Variants in POLA1 observed in about 807,000 individuals in gnomAD.
POLA1 encodes the protein DNA polymerase alpha 1, catalytic subunit.
Under a neutral mutation model 124.0 loss-of-function variants are expected in POLA1, and 15 were observed. The ratio of observed to expected loss-of-function variants is 0.12; its 90% confidence interval spans 0.08 to 0.19. POLA1 has a LOEUF of 0.19. POLA1 is among the 10% of genes least tolerant of loss of function. POLA1 has a pLI of 1.00. For synonymous variants in POLA1, 408 were observed against 389.4 expected, an observed-to-expected ratio of 1.05 and a Z score of -0.56; for missense variants, 886 against 1,103.4, an observed-to-expected ratio of 0.80 and a Z score of 2.79.
In POLA1 at chrX:24,745,561, A is replaced by G; in HGVS notation, c.2691+19A>G. On this transcript the variant is annotated intron_variant, in intron 24 of 36. Coordinates refer to ENST00000379068, the MANE Select transcript of POLA1 (RefSeq NM_001330360.2). ...TACAGAGGTTTGTATTTAACCTGGG[A>G]CTCTTGAAATTGAGTTTAAAAAAAT... 1 of 1,095,593 alleles carries G rather than the reference A, an allele frequency of 9.1e-7. No homozygotes were observed. Among genetic ancestry groups the G allele is most frequent in the Non-Finnish European group, 1.2e-6 (1 of 805,293 alleles). 90.3% of individuals were successfully genotyped at this position (1,095,593 alleles called of 1,213,427 possible). A position where few individuals can be genotyped will look rare whatever the true frequency, so the allele number is the denominator to read the frequency against.
intron 35 of POLA1, among the ~76,000 whole-genome samples, chrX:24,905,676 C>G (rs2047357015): frequency 9.3e-6 from 1 of 107,628 alleles, no homozygotes; most frequent in African/African-American, 3.4e-5. Flanking sequence ...GATTCTCCTG[C>G]CTCAGCCTCC....
chrX:24,695,425 T>C (rs756183602), intron 1 of POLA1, among the ~76,000 whole-genome samples: 55 of 110,367 alleles, frequency 5.0e-4, no homozygotes, highest in Non-Finnish European at 9.8e-4. Flanking sequence ...CAGTGAAAAG[T>C]TGAAAGGTCT....
intron 4 of POLA1, among the ~76,000 whole-genome samples, chrX:24,704,682 T>A (rs1249412054): frequency 1.8e-5 from 2 of 112,136 alleles, no homozygotes; most frequent in Non-Finnish European, 3.8e-5. Context: ...TGAAGTTTCA[T>A]GTCTCTGTTA....
At chrX:24,877,525 G>A (rs1281208720) in intron 34 of POLA1, among the ~76,000 whole-genome samples, 1 of 111,837 alleles carries the variant, frequency 8.9e-6, no homozygotes, top group Admixed American at 9.5e-5. Context: ...TGAGGGAGAA[G>A]CCTCACAGGC....
chrX:24,988,098 G>A, intron 36 of POLA1, among the ~76,000 whole-genome samples: 1 of 112,616 alleles, frequency 8.9e-6, no homozygotes. Context: ...ATCCCCAAAA[G>A]AACAACAGCT....
In POLA1 at chrX:24,735,443, T is replaced by G; in HGVS notation, c.1878T>G (p.Gly626=). 2 of 1,202,451 alleles carry G rather than the reference T, an allele frequency of 1.7e-6. No individual in the cohort carries two copies. The highest frequency in any genetic ancestry group is 1.1e-6 in the Non-Finnish European group (1 of 887,152). The stretch of plus-strand genomic sequence containing the variant: ...CTGCAACAGAAAGAACACTGCTAGG[T>G]TTTTTCCTTGCAAAAGTTCACAAAA... The part of the protein sequence containing the change: ...EVAATERTLL[G]FFLAKVHKID... The change falls in exon 18 of 37, where the codon GGT becomes GGG. Residue 626 remains glycine (G), a synonymous_variant. Transcript: ENST00000379068.
chrX:24,697,087 C>T (rs779069566), intron 1 of POLA1, among the ~76,000 whole-genome samples: 22 of 111,306 alleles, frequency 2.0e-4, no homozygotes, highest in Non-Finnish European at 4.1e-4. Context: ...TTTTCTATGG[C>T]ACCATGTTTA....
intron 35 of POLA1, among the ~76,000 whole-genome samples, chrX:24,927,221 C>G (rs1478296523): frequency 9.0e-6 from 1 of 110,663 alleles, no homozygotes; most frequent in East Asian, 2.8e-4. Context: ...TCAGAAATCT[C>G]AGGAGAGAGA....
At chrX:24,782,326 C>T (rs1216012159) in intron 26 of POLA1, among the ~76,000 whole-genome samples, 1 of 111,606 alleles carries the variant, frequency 9.0e-6, no homozygotes, top group East Asian at 2.8e-4. Context: ...TGGGTTTTCC[C>T]TAAGTAGTGC....
At chrX:24,893,877 T>A (rs1311279610) in intron 35 of POLA1, among the ~76,000 whole-genome samples, 2 of 110,916 alleles carry the variant, frequency 1.8e-5, no homozygotes, top group African/African-American at 6.6e-5. Context: ...TGGCCTGAAT[T>A]TTTTTTTTCT....
intron 35 of POLA1, among the ~76,000 whole-genome samples, chrX:24,919,909 C>T (rs1202879722): frequency 1.1e-5 from 1 of 93,842 alleles, no homozygotes; most frequent in South Asian, 6.1e-4. Flanking sequence ...TGCAGTGTCA[C>T]GATCTCAGCT....
chrX:24,952,751 A>T (rs1372923081), intron 36 of POLA1, among the ~76,000 whole-genome samples: 2 of 112,268 alleles, frequency 1.8e-5, no homozygotes, highest in Non-Finnish European at 3.8e-5. Context: ...AAGAAATGAG[A>T]TATGTTGTAT....
rs2045713434 is a variant in POLA1, at chrX:24,801,924, G to GTGTGTGT, written c.2965-7974_2965-7973insTGTGTGT. ...ACAGAGCCACTAGGAGAGGTGGGTG[G>GTGTGTGT]GTGTGTGTGTGTGTGTGTGTGTGTG... On this transcript the variant is annotated intron_variant, in intron 26 of 36. Transcript: ENST00000379068. Among the ~76,000 whole-genome samples the GTGTGTGT allele has an allele frequency of 6.6e-3, 490 of 74,533 alleles. 7 individuals are homozygous for GTGTGTGT. The highest frequency in any genetic ancestry group is 0.015 in the African/African-American group (274 of 18,234). The allele number at this position is 74,533 out of a possible 115,157, so 64.7% of individuals were successfully genotyped here.
At chrX:24,813,912 G>C (rs1443549226) in intron 29 of POLA1, among the ~76,000 whole-genome samples, 3 of 110,431 alleles carry the variant, frequency 2.7e-5, no homozygotes. Flanking sequence ...TTTATTTAAA[G>C]CTAAAGTTCA....
chrX:24,694,024 G>T lies in POLA1; in HGVS notation c.43+20G>T. On this transcript the variant is annotated intron_variant, in intron 1 of 36. Coordinates refer to ENST00000379068, the MANE Select transcript of POLA1 (RefSeq NM_001330360.2). The stretch of plus-strand genomic sequence containing the variant: ...CGAGTGGTGAGGGACAATTCCGCGC[G>T]CGGGGCTCCGGGTTGGGACAGTGGC... The T allele has an allele frequency of 1.7e-6, 2 of 1,164,358 alleles. No homozygotes were observed. The highest frequency in any genetic ancestry group is 1.2e-6 in the Non-Finnish European group (1 of 867,717).
chrX:24,935,802 C>T (rs2047841199), intron 36 of POLA1, among the ~76,000 whole-genome samples: 1 of 112,479 alleles, frequency 8.9e-6, no homozygotes, highest in Admixed American at 9.4e-5. Context: ...TGTCCTTTCA[C>T]GTGTGTAACA....
At chrX:24,888,312 T>C (rs2047091232) in intron 35 of POLA1, among the ~76,000 whole-genome samples, 190 bp downstream of exon 35, 1 of 112,020 alleles carries the variant, frequency 8.9e-6, no homozygotes. Context: ...TGAGCAATAC[T>C]ATATTTATAT....
intron 35 of POLA1, among the ~76,000 whole-genome samples, chrX:24,912,870 C>T (rs1437355040): frequency 1.8e-5 from 2 of 112,280 alleles, no homozygotes; most frequent in East Asian, 2.8e-4. Flanking sequence ...CAAAAGCTGG[C>T]GCAGATGCAA....
At chrX:24,807,841 G>A (rs1293845869) in intron 26 of POLA1, among the ~76,000 whole-genome samples, 6 of 111,937 alleles carry the variant, frequency 5.4e-5, no homozygotes, top group Non-Finnish European at 1.1e-4. Context: ...TTCAATGATA[G>A]GAAAAGGACT....
Sources: gnomAD v4.1 joint callset for allele counts (sites outside exome capture counted in the v4.1 genomes callset) on GRCh38, gnomAD v4.1.1 for gene constraint, MANE v1.5 for transcripts, NCBI Gene and HGNC (gene_info 2026-07-23, HGNC 2026-07-21) for gene names.